ATRNL1: variants seen among roughly 807,000 people sequenced by gnomAD.
The protein encoded by ATRNL1 is attractin-like protein 1.
ATRNL1 carries 95 observed loss-of-function variants against 182.7 expected under a neutral mutation model. The ratio of observed to expected loss-of-function variants is 0.52; its 90% CI spans 0.44 to 0.62. The LOEUF (loss-of-function observed/expected upper bound fraction) is 0.62, where lower values mean the gene tolerates loss of function less well. Ranked by LOEUF, ATRNL1 falls within the 20% of genes least tolerant of loss-of-function variation. ATRNL1 has a pLI of 0.00. For missense variants in ATRNL1, 1,471 were observed against 1,679.5 expected (o/e 0.88, Z 2.17); for synonymous variants, 576 against 568.3 (o/e 1.01, Z -0.19).
intron 20 of ATRNL1, among the ~76,000 whole-genome samples, chr10:115,404,295 C>T (rs1395111632): frequency 6.6e-6 from 1 of 152,128 alleles, no homozygotes; most frequent in Non-Finnish European, 1.5e-5. Flanking sequence ...AGCTGTATTT[C>T]GCAGCCTCCA....
intron 28 of ATRNL1, among the ~76,000 whole-genome samples, chr10:115,924,962 C>T (rs1415905070): frequency 6.6e-6 from 1 of 152,182 alleles, no homozygotes; most frequent in Non-Finnish European, 1.5e-5. Context: ...AGATCCCTCA[C>T]ATCCCTTGTT....
intron 27 of ATRNL1, among the ~76,000 whole-genome samples, chr10:115,763,273 T>C (rs11197439): frequency 0.18 from 28,038 of 152,090 alleles, 3,273 homozygotes; most frequent in South Asian, 0.29. Context: ...GAAACATGAA[T>C]ATAACACAGG....
chr10:115,233,431 T>A (rs1345493471), intron 9 of ATRNL1, among the ~76,000 whole-genome samples: 3 of 152,190 alleles, frequency 2.0e-5, no homozygotes, highest in African/African-American at 7.2e-5. Flanking sequence ...GTAGACTTTT[T>A]TAGCGTTTTT....
At chr10:115,935,863 C>T (rs1464923472) in intron 28 of ATRNL1, among the ~76,000 whole-genome samples, 3 of 152,230 alleles carry the variant, frequency 2.0e-5, no homozygotes, top group Non-Finnish European at 2.9e-5. Context: ...TTATCACTTT[C>T]GGTTATTTTT....
At chr10:115,663,432 A>G (rs1189136406) in intron 26 of ATRNL1, among the ~76,000 whole-genome samples, 2 of 152,230 alleles carry the variant, frequency 1.3e-5, no homozygotes, top group Non-Finnish European at 1.5e-5. Flanking sequence ...AATGCATTAA[A>G]AGAATATGTG....
chr10:115,843,241 G>A (rs782618356), intron 27 of ATRNL1, among the ~76,000 whole-genome samples: 1 of 152,024 alleles, frequency 6.6e-6, no homozygotes, highest in Non-Finnish European at 1.5e-5. Flanking sequence ...GGGAGACATA[G>A]GTCCCAAAAA....
chr10:115,370,714 G>T (rs950239415), intron 19 of ATRNL1, among the ~76,000 whole-genome samples: 4 of 152,210 alleles, frequency 2.6e-5, no homozygotes, highest in Non-Finnish European at 5.9e-5. Context: ...TTTGGAAAAT[G>T]TGCAGCCTGA....
At chr10:115,675,628 A>G (rs138658769) in intron 26 of ATRNL1, among the ~76,000 whole-genome samples, 138 of 152,116 alleles carry the variant, frequency 9.1e-4, no homozygotes, top group African/African-American at 3.2e-3. Context: ...CACTGCAGTT[A>G]TTTTTATTAC....
At chr10:115,206,467 G>A (rs1554893809) in intron 8 of ATRNL1, among the ~76,000 whole-genome samples, 1 of 151,908 alleles carries the variant, frequency 6.6e-6, no homozygotes, top group African/African-American at 2.4e-5. Flanking sequence ...TATAGTGTCA[G>A]AACCTTAAAA....
chr10:115,146,581 A>G (rs543060242), intron 5 of ATRNL1, among the ~76,000 whole-genome samples: 1 of 152,004 alleles, frequency 6.6e-6, no homozygotes, highest in Non-Finnish European at 1.5e-5. Context: ...TTCTAACTAT[A>G]TGTTTGTATC....
chr10:115,680,032 A>G (rs1442095389), intron 26 of ATRNL1, among the ~76,000 whole-genome samples: 1 of 152,104 alleles, frequency 6.6e-6, no homozygotes, highest in African/African-American at 2.4e-5. Flanking sequence ...TTTGTACTGC[A>G]TAACATAGAT....
At chr10:115,799,077 AGCCT>A in intron 27 of ATRNL1, among the ~76,000 whole-genome samples, 1 of 151,918 alleles carries the variant, frequency 6.6e-6, no homozygotes, top group Non-Finnish European at 1.5e-5. Context: ...CGCCCACCTC[AGCCT>A]TCCAAAGTAC....
chr10:115,239,647 C>T (rs1223787133), intron 9 of ATRNL1, among the ~76,000 whole-genome samples: 2 of 152,116 alleles, frequency 1.3e-5, no homozygotes, highest in Non-Finnish European at 2.9e-5. Context: ...GACACCACTA[C>T]TTTATGTACA....
chr10:115,136,678 G>A (rs559945455), intron 5 of ATRNL1, among the ~76,000 whole-genome samples: 25 of 152,144 alleles, frequency 1.6e-4, no homozygotes, highest in African/African-American at 6.0e-4. Flanking sequence ...ATATCATATG[G>A]TTGTAATCAT....
chr10:115,822,825 G>C (rs150593662), intron 27 of ATRNL1, among the ~76,000 whole-genome samples: 2,617 of 152,156 alleles, frequency 0.017, 68 homozygotes, highest in African/African-American at 0.058. Context: ...GGACCAGATG[G>C]GTTCACAGCC....
chr10:115,940,996 G>A (rs544122504), intron 28 of ATRNL1, among the ~76,000 whole-genome samples: 17 of 152,164 alleles, frequency 1.1e-4, no homozygotes, highest in Non-Finnish European at 2.2e-4. Flanking sequence ...GCCACAAGCC[G>A]TGGGGTCCAG....
intron 28 of ATRNL1, among the ~76,000 whole-genome samples, chr10:115,927,981 G>T (rs79473267): frequency 0.011 from 1,657 of 152,094 alleles, 25 homozygotes; most frequent in African/African-American, 0.033. Context: ...TGGAGAAAAT[G>T]AAAATAATCC....
chr10:115,467,130 G>C (rs1554970973), intron 22 of ATRNL1, 44 bp from the exon 23 acceptor site: 2 of 1,049,330 alleles, frequency 1.9e-6, no homozygotes, highest in Admixed American at 3.5e-5. Flanking sequence ...TATATATCTA[G>C]TGTAATTTTC....
At chr10:115,165,519 A>G in intron 6 of ATRNL1, 39 bp from the exon 7 acceptor site, 5 of 1,224,946 alleles carry the variant, frequency 4.1e-6, no homozygotes, top group Non-Finnish European at 5.6e-6. Flanking sequence ...ACAAAAATGA[A>G]TCTTAGCTTA....
Sources: allele counts gnomAD v4.1 joint callset (sites outside exome capture counted in the v4.1 genomes callset), GRCh38; gene constraint gnomAD v4.1.1; transcripts MANE v1.5; gene names NCBI Gene and HGNC (gene_info 2026-07-23, HGNC 2026-07-21).